TBK1: variants seen among roughly 807,000 people sequenced by gnomAD.
The protein encoded by TBK1 is serine/threonine-protein kinase TBK1.
In TBK1, 37 loss-of-function variants were observed where a neutral mutation model predicts 99.9. That is an observed-to-expected ratio of 0.37 (90% CI 0.28 to 0.49). The LOEUF (loss-of-function observed/expected upper bound fraction) is 0.49. TBK1 is among the 20% of genes least tolerant of loss of function. TBK1 has a pLI of 0.98. For synonymous variants in TBK1, 258 were observed against 279.8 expected (o/e 0.92, Z 0.78); for missense variants, 644 against 872.5 (o/e 0.74, Z 3.30).
intron 11 of TBK1, 115 bp downstream of exon 11, chr12:64,486,132 T>A (rs554330059): frequency 3.7e-5 from 22 of 591,434 alleles, no homozygotes; most frequent in African/African-American, 3.3e-4. Flanking sequence ...TATAATACAT[T>A]TGTTTCACAT....
At position 64,463,866 on chromosome 12, in the gene TBK1, T is replaced by G. The variant is rs201262897; in HGVS notation, c.229-468T>G. ...AATTTGGAAAATGTTAGTTTTTTTT[T>G]TTTGTTTTTTTTTTTTGAGATGGAG... On this transcript the variant is annotated intron_variant, in intron 3 of 20. Coordinates refer to ENST00000331710, the MANE Select transcript of TBK1 (RefSeq NM_013254.4). Among the ~76,000 whole-genome samples, 576 of 74,336 alleles carry G rather than the reference T, an allele frequency of 7.7e-3. 5 individuals are homozygous for G. Among genetic ancestry groups the G allele is most frequent in the African/African-American group, 0.028 (538 of 19,128 alleles). 48.8% of individuals were successfully genotyped at this position (74,336 alleles called of 152,430 possible).
chr12:64,495,201 C>CA (rs1377339527), intron 13 of TBK1, among the ~76,000 whole-genome samples: 1 of 152,100 alleles, frequency 6.6e-6, no homozygotes, highest in East Asian at 1.9e-4. Context: ...GATAAGGAAA[C>CA]AAGATTAGAA....
Position 64,480,010 on chromosome 12 carries a change from A to G in TBK1, c.702-2A>G. 6.2e-7 allele frequency: 1 copy of G among 1,604,862 alleles called. No individual in the cohort carries two copies. Among genetic ancestry groups the G allele is most frequent in the Non-Finnish European group, 8.5e-7 (1 of 1,173,972 alleles). ...TTTTATTCTGCTTTTGTTCCTCCCA[A>G]GGTATAAAATAATTACAGGAAAGCC... On this transcript the variant is annotated splice_acceptor_variant, in intron 6 of 20. Transcript: ENST00000331710. LOFTEE classifies it high-confidence loss of function.
chr12:64,478,083 C>G (rs1019424101), intron 6 of TBK1, among the ~76,000 whole-genome samples: 49 of 152,336 alleles, frequency 3.2e-4, no homozygotes, highest in African/African-American at 1.1e-3. Context: ...ACAGCCTAAC[C>G]TGTCCAACCA....
At chr12:64,456,478 A>G (rs1212772396) in intron 2 of TBK1, among the ~76,000 whole-genome samples, 1 of 152,206 alleles carries the variant, frequency 6.6e-6, no homozygotes, top group Non-Finnish European at 1.5e-5. Flanking sequence ...ATATTTTGGT[A>G]TAAGGTAATC....
At chr12:64,458,566 T>G (rs2040514560) in intron 2 of TBK1, among the ~76,000 whole-genome samples, 1 of 151,526 alleles carries the variant, frequency 6.6e-6, no homozygotes, top group African/African-American at 2.4e-5. Flanking sequence ...TTTGACTTAG[T>G]GAATAATAGA....
chr12:64,485,646 C>A, intron 10 of TBK1, 133 bp downstream of exon 10: 1 of 492,014 alleles, frequency 2.0e-6, no homozygotes, highest in Non-Finnish European at 3.5e-6. Flanking sequence ...AATTGATACC[C>A]TTTCCAAGTG....
chr12:64,453,473 ATTGC>A (rs1229328741), intron 1 of TBK1, among the ~76,000 whole-genome samples: 1 of 152,132 alleles, frequency 6.6e-6, no homozygotes, highest in African/African-American at 2.4e-5. Flanking sequence ...TCTTATTTTT[ATTGC>A]TTATTTCCTA....
chr12:64,463,379 C>CAA (rs113080890), intron 3 of TBK1, among the ~76,000 whole-genome samples: 19 of 111,528 alleles, frequency 1.7e-4, no homozygotes, highest in African/African-American at 5.1e-4. Context: ...GACTTTGTCT[C>CAA]AAAAAAAAAA....
At chr12:64,464,141 C>T (rs1009291799) in intron 3 of TBK1, among the ~76,000 whole-genome samples, 193 bp from the exon 4 acceptor site, 1 of 152,128 alleles carries the variant, frequency 6.6e-6, no homozygotes, top group Non-Finnish European at 1.5e-5. Flanking sequence ...GGATTACAGG[C>T]GTGAGCCACC....
At chr12:64,476,752 T>C (rs529288693) in intron 6 of TBK1, among the ~76,000 whole-genome samples, 14 of 152,290 alleles carry the variant, frequency 9.2e-5, no homozygotes, top group African/African-American at 3.1e-4. Context: ...CCTAAGACAA[T>C]GTATAGAAGA....
chr12:64,459,407 C>G (rs2040522977), intron 2 of TBK1, among the ~76,000 whole-genome samples: 1 of 152,180 alleles, frequency 6.6e-6, no homozygotes. Flanking sequence ...GTGTTTTGAA[C>G]CTCTAAGATT....
Position 64,501,865 on chromosome 12 carries a change from G to A in TBK1, c.*484G>A, listed in dbSNP as rs182670869. On this transcript the variant is annotated 3_prime_UTR_variant, in exon 21 of 21. Coordinates refer to ENST00000331710, the MANE Select transcript of TBK1 (RefSeq NM_013254.4). ...TAACAATTTTTTTGAGAAGGATAAAGTGGCATTATTTTATTTTACAAGGTG... is the reference window on the plus strand; with the variant it reads ...TAACAATTTTTTTGAGAAGGATAAAATGGCATTATTTTATTTTACAAGGTG... The A allele has an allele frequency of 6.6e-6, 1 of 152,654 alleles. No individual in the cohort carries two copies. Among genetic ancestry groups the A allele is most frequent in the Non-Finnish European group, 1.5e-5 (1 of 68,230 alleles). 9.5% of individuals were successfully genotyped at this position (152,654 alleles called of 1,614,324 possible). A position where few individuals can be genotyped will look rare whatever the true frequency, so the allele number is the denominator to read the frequency against.
At chr12:64,496,501 T>A (rs2040926118) in intron 16 of TBK1, 95 bp downstream of exon 16, 1 of 590,314 alleles carries the variant, frequency 1.7e-6, no homozygotes, top group Admixed American at 3.7e-5. Context: ...TAATTACAAT[T>A]TAAAAATACA....
chr12:64,491,980 C>T (rs1469048570), intron 13 of TBK1, among the ~76,000 whole-genome samples: 2 of 152,160 alleles, frequency 1.3e-5, no homozygotes, highest in African/African-American at 4.8e-5. Context: ...TGAGTTAAAA[C>T]AGTGAGTTTC....
In TBK1 at chr12:64,497,762, A is replaced by C. The variant is rs759618959; in HGVS notation, c.2066+8A>C. The C allele has an allele frequency of 3.0e-5, 47 of 1,572,972 alleles. No homozygotes were observed. The highest frequency in any genetic ancestry group is 3.9e-5 in the Non-Finnish European group (45 of 1,156,304). On this transcript the variant is annotated splice_region_variant and intron_variant, in intron 19 of 20. Coordinates refer to ENST00000331710, the MANE Select transcript of TBK1 (RefSeq NM_013254.4). ...AGTAGAAATGACTCTTGGGTAAGAAACTCATCATTTGGAAACTGTAGTGTT... is the reference window on the plus strand; with the variant it reads ...AGTAGAAATGACTCTTGGGTAAGAACCTCATCATTTGGAAACTGTAGTGTT...
At chr12:64,452,862 A>G (rs990006263) in intron 1 of TBK1, 1 of 152,096 alleles carries the variant, frequency 6.6e-6, no homozygotes, top group African/African-American at 2.4e-5. Context: ...CCTCAAAACA[A>G]CTCCCAAGTA....
chr12:64,460,017 G>C (rs1404140103), intron 2 of TBK1, among the ~76,000 whole-genome samples, 172 bp from the exon 3 acceptor site: 1 of 152,144 alleles, frequency 6.6e-6, no homozygotes, highest in Non-Finnish European at 1.5e-5. Flanking sequence ...GCAGTTAATT[G>C]ATTCATTTTA....
chr12:64,469,353 A>G (rs918286666), intron 5 of TBK1, among the ~76,000 whole-genome samples: 2 of 151,948 alleles, frequency 1.3e-5, no homozygotes, highest in Non-Finnish European at 2.9e-5. Context: ...AGAATTAGAC[A>G]AGAAGAAATC....
Sources: gnomAD v4.1 joint callset for allele counts (sites outside exome capture counted in the v4.1 genomes callset) on GRCh38, gnomAD v4.1.1 for gene constraint, MANE v1.5 for transcripts, NCBI Gene and HGNC (gene_info 2026-07-23, HGNC 2026-07-21) for gene names.